ANKRD6: variants seen among roughly 807,000 people sequenced by gnomAD.
ANKRD6 encodes ankyrin repeat domain 6.
ANKRD6 carries 56 observed loss-of-function variants against 82.3 expected under a neutral mutation model. The observed-to-expected ratio is 0.68, with a 90% CI of 0.55 to 0.85. The LOEUF (loss-of-function observed/expected upper bound fraction) is 0.85, where lower values mean the gene tolerates loss of function less well. Among genes scored for constraint, ANKRD6 ranks in the 40% least tolerant of loss-of-function variants. The probability of loss-of-function intolerance (pLI) is 0.00; values close to 1 mark genes in which losing one functional copy is unlikely to be tolerated. For synonymous variants in ANKRD6, 347 were observed against 352.1 expected (o/e 0.99, Z 0.16); for missense variants, 852 against 907.6 (o/e 0.94, Z 0.79).
chr6:89,488,790 A>G (rs1777664051), intron 1 of ANKRD6, among the ~76,000 whole-genome samples: 1 of 152,230 alleles, frequency 6.6e-6, no homozygotes, highest in Non-Finnish European at 1.5e-5. Context: ...TATGAGAACT[A>G]GTGACCCAGT....
intron 1 of ANKRD6, among the ~76,000 whole-genome samples, chr6:89,462,800 A>T (rs1169412351): frequency 1.3e-5 from 2 of 151,350 alleles, no homozygotes; most frequent in African/African-American, 2.4e-5. Flanking sequence ...ATTTTTAGAG[A>T]TGTTTTTACA....
chr6:89,614,332 C>G (rs1031239119), intron 7 of ANKRD6, among the ~76,000 whole-genome samples: 1 of 152,088 alleles, frequency 6.6e-6, no homozygotes, highest in Non-Finnish European at 1.5e-5. Flanking sequence ...TAGCGAGACC[C>G]TGTCTCTACA....
In ANKRD6 at chr6:89,610,946, A is replaced by T. The variant is rs548486297; in HGVS notation, c.418-1326A>T. On this transcript the variant is annotated intron_variant, in intron 5 of 15. Transcript: ENST00000339746. ...CCATCCCCAAGGCCACATAAATCAG[A>T]GTCCCTAGAACGGTTGTGGCTGTGC... 3.9e-5 allele frequency among the ~76,000 whole-genome samples: 6 copies of T among 152,250 alleles called. No homozygotes were observed. In the East Asian group the frequency reaches 1.2e-3, roughly 29 times the overall value.
intron 1 of ANKRD6, among the ~76,000 whole-genome samples, chr6:89,524,424 A>G (rs1010565639): frequency 2.6e-5 from 4 of 152,174 alleles, no homozygotes; most frequent in African/African-American, 9.7e-5. Flanking sequence ...TACTTTGCTT[A>G]GAATAATGGT....
intron 1 of ANKRD6, among the ~76,000 whole-genome samples, chr6:89,476,404 G>A (rs528360424): frequency 1.3e-5 from 2 of 152,104 alleles, no homozygotes; most frequent in African/African-American, 2.4e-5. Context: ...GGCCAGGCTG[G>A]TCTCGAACTC....
chr6:89,578,378 C>G (rs1791674479), intron 2 of ANKRD6, among the ~76,000 whole-genome samples: 1 of 149,096 alleles, frequency 6.7e-6, no homozygotes, highest in Admixed American at 6.7e-5. Context: ...TCACTGTAAC[C>G]TCCACCTCCC....
intron 1 of ANKRD6, among the ~76,000 whole-genome samples, chr6:89,524,506 A>G (rs886391682): frequency 2.6e-5 from 4 of 152,228 alleles, no homozygotes; most frequent in Non-Finnish European, 4.4e-5. Flanking sequence ...GGAACAAAAT[A>G]ACGACATTCG....
intron 2 of ANKRD6, among the ~76,000 whole-genome samples, chr6:89,587,890 A>G (rs1374069592): frequency 3.3e-5 from 5 of 152,212 alleles, no homozygotes; most frequent in Admixed American, 6.5e-5. Context: ...TAAATTATAA[A>G]TTGTTTTTAA....
chr6:89,475,250 A>G (rs1436316419), intron 1 of ANKRD6, among the ~76,000 whole-genome samples: 2 of 152,220 alleles, frequency 1.3e-5, no homozygotes, highest in East Asian at 3.8e-4. Flanking sequence ...GCCCAAACCT[A>G]AAATCTGGAC....
At chr6:89,465,698 A>C (rs893149718) in intron 1 of ANKRD6, among the ~76,000 whole-genome samples, 1 of 151,932 alleles carries the variant, frequency 6.6e-6, no homozygotes, top group African/African-American at 2.4e-5. Flanking sequence ...CCATCTCTAC[A>C]AAAAATTTTT....
chr6:89,617,858 G>A (rs1456180964), intron 8 of ANKRD6, 96 bp from the exon 9 acceptor site: 10 of 1,188,696 alleles, frequency 8.4e-6, no homozygotes, highest in Non-Finnish European at 1.2e-5. Flanking sequence ...GACTGGGTGT[G>A]GAACTGCCTG....
At chr6:89,528,159 C>G (rs1782736205) in intron 1 of ANKRD6, among the ~76,000 whole-genome samples, 1 of 152,230 alleles carries the variant, frequency 6.6e-6, no homozygotes, top group Admixed American at 6.5e-5. Context: ...GATTGATTGA[C>G]TCTTCTTTCA....
intron 5 of ANKRD6, among the ~76,000 whole-genome samples, chr6:89,610,515 G>T (rs1799951836): frequency 6.6e-6 from 1 of 151,944 alleles, no homozygotes; most frequent in Admixed American, 6.6e-5. Context: ...TAATTTTCTT[G>T]GTGCAAATGC....
chr6:89,585,992 G>T (rs1793604043), intron 2 of ANKRD6, among the ~76,000 whole-genome samples: 2 of 152,176 alleles, frequency 1.3e-5, no homozygotes, highest in South Asian at 4.1e-4. Flanking sequence ...TTAAATTATT[G>T]TAAAGCACAG....
intron 1 of ANKRD6, among the ~76,000 whole-genome samples, chr6:89,437,038 C>T (rs952075559): frequency 1.3e-5 from 2 of 152,124 alleles, no homozygotes; most frequent in African/African-American, 4.8e-5. Context: ...GCTACAAATA[C>T]TCTAAGATCT....
Position 89,433,989 on chromosome 6 carries a change from A to G in ANKRD6, c.-144+614A>G, listed in dbSNP as rs1303144160. 2.0e-5 allele frequency among the ~76,000 whole-genome samples: 3 copies of G among 152,202 alleles called. No individual in the cohort carries two copies. The highest frequency in any genetic ancestry group is 1.5e-5 in the Non-Finnish European group (1 of 68,034). On this transcript the variant is annotated intron_variant, in intron 1 of 15. Coordinates refer to ENST00000339746, the MANE Select transcript of ANKRD6 (RefSeq NM_001242809.2). This position sits in a 1 kb window ranked among gnomAD's most constrained non-coding sequence, Gnocchi z 4.3. ...GGCTTTTAAGTGTGTTGCTTCCGGT[A>G]GATCTCGGGGACTGGAGGGGAAGTG...
chr6:89,611,277 A>C lies in ANKRD6; in HGVS notation c.418-995A>C, dbSNP rs547793070. Among the ~76,000 whole-genome samples the C allele has an allele frequency of 7.9e-5, 12 of 151,888 alleles. 1 individual carries two copies. The South Asian group carries it at 2.5e-3, about 32-fold the overall frequency. On this transcript the variant is annotated intron_variant, in intron 5 of 15. Transcript: ENST00000339746. ...GATCCAGAAGGGTGTGAACTAGGTG[A>C]GGGAGAAGCAATGAACAGGCAGTGT...
chr6:89,454,145 A>AT (rs1773228528), intron 1 of ANKRD6, among the ~76,000 whole-genome samples: 1 of 150,694 alleles, frequency 6.6e-6, no homozygotes, highest in Admixed American at 6.6e-5. Context: ...TCATTTCTTC[A>AT]TTTTTTTTCA....
chr6:89,615,203 A>G (rs141847108), intron 7 of ANKRD6, among the ~76,000 whole-genome samples: 1 of 151,992 alleles, frequency 6.6e-6, no homozygotes, highest in African/African-American at 2.4e-5. Context: ...TAAAAATACC[A>G]TGGAATGGTG....
Sources: allele counts gnomAD v4.1 joint callset (sites outside exome capture counted in the v4.1 genomes callset), GRCh38; gene constraint gnomAD v4.1.1; non-coding constraint Gnocchi (gnomAD v3.1); transcripts MANE v1.5; gene names NCBI Gene and HGNC (gene_info 2026-07-23, HGNC 2026-07-21).